Variants in CCDC152 observed in about 807,000 individuals in gnomAD.
CCDC152 encodes the protein coiled-coil domain containing 152, also known as coiled-coil domain-containing protein 152.
CCDC152 carries 37 observed loss-of-function variants against 38.1 expected under a neutral mutation model. That is an observed-to-expected ratio of 0.97 (90% confidence interval 0.75 to 1.28). The LOEUF is 1.28. Among genes scored for constraint, CCDC152 ranks in the 50% most tolerant of loss-of-function variants. The pLI is 0.00. For synonymous variants in CCDC152, 83 were observed against 87.1 expected (o/e 0.95, Z 0.26); for missense variants, 259 against 292.1 (o/e 0.89, Z 0.83).
intron 6 of CCDC152, among the ~76,000 whole-genome samples, chr5:42,789,161 A>G (rs1174987447): frequency 1.3e-5 from 2 of 152,206 alleles, no homozygotes; most frequent in East Asian, 3.8e-4. Flanking sequence ...AGATTGTTGC[A>G]GGAGTGAGGA....
chr5:42,758,880 T>C (rs1759513671), intron 1 of CCDC152, among the ~76,000 whole-genome samples: 1 of 152,214 alleles, frequency 6.6e-6, no homozygotes, highest in Non-Finnish European at 1.5e-5. Context: ...TAGGTTTTAA[T>C]GCAGTAAAGA....
chr5:42,799,902 A>G lies in CCDC152; in HGVS notation c.*121A>G, dbSNP rs4987017. ...AAGTCAGCTTTAAGGTTTTTATTGA[A>G]TTTATTTGGACAAATCCGTACTGTA... On this transcript the variant is annotated 3_prime_UTR_variant, in exon 9 of 9. Transcript: ENST00000361970. The G allele has an allele frequency of 6.0e-3, 6,618 of 1,110,286 alleles. 270 individuals are homozygous for G. In the African/African-American group the frequency reaches 0.091, roughly 15 times the overall value. 68.8% of individuals were successfully genotyped at this position (1,110,286 alleles called of 1,614,324 possible). A position where few individuals can be genotyped will look rare whatever the true frequency, so the allele number is the denominator to read the frequency against.
At chr5:42,777,863 C>T (rs1048808748) in intron 4 of CCDC152, among the ~76,000 whole-genome samples, 3 of 152,000 alleles carry the variant, frequency 2.0e-5, no homozygotes, top group Non-Finnish European at 4.4e-5. Flanking sequence ...TTTTGTTTAG[C>T]TAATTCTTAG....
intron 6 of CCDC152, among the ~76,000 whole-genome samples, chr5:42,788,652 G>A (rs1035949758): frequency 1.8e-4 from 27 of 152,134 alleles, no homozygotes; most frequent in African/African-American, 6.3e-4. Context: ...AATTCTTAGT[G>A]TTCTTTATAT....
At chr5:42,773,826 A>G (rs1395489436) in intron 4 of CCDC152, among the ~76,000 whole-genome samples, 4 of 152,228 alleles carry the variant, frequency 2.6e-5, no homozygotes, top group African/African-American at 9.6e-5. Flanking sequence ...ATTTTGGAAA[A>G]TTAATTTATG....
At chr5:42,799,582 ATTTC>A (rs2111610944) in intron 8 of CCDC152, 73 bp from the exon 9 acceptor site, 11 of 1,240,922 alleles carry the variant, frequency 8.9e-6, no homozygotes, top group South Asian at 7.0e-5. Context: ...GCAGAAGTGC[ATTTC>A]TTTGTTATTT....
chr5:42,762,517 A>T lies in CCDC152; in HGVS notation c.162A>T (p.Val54=). The change falls in exon 3 of 9, where the codon GTA becomes GTT. Residue 54 remains valine (V), a synonymous_variant. Coordinates refer to ENST00000361970, the MANE Select transcript of CCDC152 (RefSeq NM_001134848.2). Reference sequence around the variant, plus strand: ...AAAAAAGTAATTGCCTATTAAAAGTAATGCAAGCAAAGGAGGTCTCCATTA... The same window carrying T: ...AAAAAAGTAATTGCCTATTAAAAGTTATGCAAGCAAAGGAGGTCTCCATTA... ...QLEKSNCLLK[V]MQAKEVSIKE... is the part of the protein sequence containing the mutation. The T allele has an allele frequency of 6.5e-7, 1 of 1,536,580 alleles. No individual in the cohort carries two copies. The highest frequency in any genetic ancestry group is 1.7e-4 in the Middle Eastern group (1 of 5,970).
At chr5:42,781,141 A>C (rs1759839060) in intron 5 of CCDC152, among the ~76,000 whole-genome samples, 1 of 152,132 alleles carries the variant, frequency 6.6e-6, no homozygotes, top group Admixed American at 6.6e-5. Context: ...GGAGAATAGA[A>C]AGGTACATAG....
At chr5:42,794,034 A>G (rs1431608723) in intron 6 of CCDC152, among the ~76,000 whole-genome samples, 1 of 152,256 alleles carries the variant, frequency 6.6e-6, no homozygotes, top group African/African-American at 2.4e-5. Context: ...AATTAGATAC[A>G]CTGGAGATAG....
chr5:42,773,934 G>C (rs1759733198), intron 4 of CCDC152, among the ~76,000 whole-genome samples: 1 of 152,122 alleles, frequency 6.6e-6, no homozygotes, highest in Admixed American at 6.5e-5. Context: ...CATAAAACTT[G>C]GAAATAGAAT....
rs764971326 is a variant in CCDC152, at chr5:42,801,034, G to A, written c.*1253G>A. ...AGTAATTGATTTATACATCTCTTTC[G>A]ACAGAGCTTCTTTTGTAAATCTTGT... On this transcript the variant is annotated 3_prime_UTR_variant, in exon 9 of 9. Transcript: ENST00000361970. 2.0e-5 allele frequency: 32 copies of A among 1,614,010 alleles called. No homozygotes were observed. The Admixed American group carries it at 3.3e-4, about 17-fold the overall frequency.
chr5:42,796,548 A>G (rs889534660), intron 6 of CCDC152, among the ~76,000 whole-genome samples: 3 of 152,196 alleles, frequency 2.0e-5, no homozygotes, highest in African/African-American at 7.2e-5. Context: ...TCCCTCTTCA[A>G]CCACTGTATC....
At chr5:42,764,976 G>C (rs558145732) in intron 3 of CCDC152, among the ~76,000 whole-genome samples, 13 of 152,272 alleles carry the variant, frequency 8.5e-5, no homozygotes, top group African/African-American at 3.1e-4. Context: ...AAAGGAAGAA[G>C]TCAAATTATT....
intron 4 of CCDC152, among the ~76,000 whole-genome samples, chr5:42,770,524 G>C (rs1207089788): frequency 6.6e-6 from 1 of 151,336 alleles, no homozygotes. Flanking sequence ...GTGCTGTACT[G>C]TTCTGATTAT....
intron 4 of CCDC152, among the ~76,000 whole-genome samples, chr5:42,771,776 TC>T (rs1327755355): frequency 1.3e-5 from 2 of 152,000 alleles, no homozygotes; most frequent in Non-Finnish European, 2.9e-5. Flanking sequence ...ATCAAAAATC[TC>T]CCACCAAAGA....
intron 2 of CCDC152, among the ~76,000 whole-genome samples, 173 bp downstream of exon 2, chr5:42,759,381 G>T (rs1489974728): frequency 6.6e-6 from 1 of 152,056 alleles, no homozygotes; most frequent in African/African-American, 2.4e-5. Context: ...AATATATCTG[G>T]CTTGGATTCA....
chr5:42,782,439 A>G (rs1464942385), intron 5 of CCDC152, among the ~76,000 whole-genome samples: 1 of 152,186 alleles, frequency 6.6e-6, no homozygotes, highest in African/African-American at 2.4e-5. Flanking sequence ...TTTCTGTAAT[A>G]TCTTTATCTT....
At chr5:42,764,236 C>A (rs557049977) in intron 3 of CCDC152, among the ~76,000 whole-genome samples, 4 of 152,030 alleles carry the variant, frequency 2.6e-5, no homozygotes, top group Non-Finnish European at 5.9e-5. Flanking sequence ...ATGGTGAAAC[C>A]CCGTCTCTAC....
intron 2 of CCDC152, among the ~76,000 whole-genome samples, chr5:42,761,741 G>A (rs1216581424): frequency 2.6e-5 from 4 of 152,194 alleles, no homozygotes; most frequent in Non-Finnish European, 5.9e-5. Flanking sequence ...TTCTATAGCT[G>A]TACAGTCATA....
Sources: allele counts gnomAD v4.1 joint callset (sites outside exome capture counted in the v4.1 genomes callset), GRCh38; gene constraint gnomAD v4.1.1; transcripts MANE v1.5; gene names NCBI Gene and HGNC (gene_info 2026-07-23, HGNC 2026-07-21).